Variants in MPPED1 observed in about 807,000 individuals in gnomAD.
The protein encoded by MPPED1 is metallophosphoesterase domain containing 1.
A neutral mutation model predicts 36.2 loss-of-function variants in MPPED1; 16 were observed. The observed-to-expected ratio is 0.44, with a 90% CI of 0.30 to 0.67. The LOEUF is 0.67. MPPED1 is among the 30% of genes least tolerant of loss of function. The pLI, the probability that MPPED1 is intolerant of heterozygous loss-of-function variation, is 0.10. For synonymous variants in MPPED1, 199 were observed against 191.3 expected (o/e 1.04, Z -0.33); for missense variants, 307 against 453.4 (o/e 0.68, Z 2.93).
At chr22:43,495,479 G>A (rs1416376613) in intron 4 of MPPED1, among the ~76,000 whole-genome samples, 3 of 59,102 alleles carry the variant, frequency 5.1e-5, no homozygotes, top group Admixed American at 1.9e-4. Flanking sequence ...GATGGTGGAG[G>A]TGGTGGTGGA....
chr22:43,444,491 C>T (rs146267924), intron 3 of MPPED1, among the ~76,000 whole-genome samples: 381 of 151,614 alleles, frequency 2.5e-3, no homozygotes, highest in Non-Finnish European at 4.0e-3. Flanking sequence ...CTCAGCCTCC[C>T]GAGTAGCTGG....
intron 1 of MPPED1, among the ~76,000 whole-genome samples, chr22:43,422,429 C>G (rs1398042872): frequency 6.6e-6 from 1 of 152,182 alleles, no homozygotes; most frequent in Non-Finnish European, 1.5e-5. Flanking sequence ...CGGGGGCCGG[C>G]CTGTGTGGCT....
chr22:43,438,025 C>A (rs1930023283), intron 3 of MPPED1, among the ~76,000 whole-genome samples: 2 of 152,194 alleles, frequency 1.3e-5, no homozygotes, highest in Admixed American at 1.3e-4. Flanking sequence ...AACATTCCGT[C>A]ATCCTATTGC....
intron 5 of MPPED1, among the ~76,000 whole-genome samples, chr22:43,501,813 CCCTCCTTCTCCCCCT>C (rs1932743183): frequency 6.6e-6 from 1 of 151,898 alleles, no homozygotes; most frequent in Non-Finnish European, 1.5e-5. Context: ...CTCTGCTTTC[CCCTCCTTCTCCCCCT>C]CCTCCTCCTC....
intron 1 of MPPED1, among the ~76,000 whole-genome samples, chr22:43,423,818 G>A (rs1201269801): frequency 6.6e-6 from 1 of 152,228 alleles, no homozygotes; most frequent in Non-Finnish European, 1.5e-5. Context: ...GTTAAATACA[G>A]CGCAAAAGGA....
intron 3 of MPPED1, among the ~76,000 whole-genome samples, chr22:43,463,063 G>T (rs1214502471): frequency 6.6e-6 from 1 of 152,106 alleles, no homozygotes; most frequent in African/African-American, 2.4e-5. Context: ...GAGTTTGGAA[G>T]GCATTTTTCC....
chr22:43,479,218 C>T (rs1931673347), intron 4 of MPPED1, among the ~76,000 whole-genome samples: 1 of 152,194 alleles, frequency 6.6e-6, no homozygotes, highest in Non-Finnish European at 1.5e-5. Context: ...TTCAGATGTT[C>T]CAGATTTTCC....
chr22:43,417,027 C>T, intron 1 of MPPED1: 1 of 984,958 alleles, frequency 1.0e-6, no homozygotes, highest in East Asian at 1.1e-4. Context: ...AAGTAGCACT[C>T]TTCATATTCC....
Position 43,498,147 on chromosome 22 carries a change from C to T in MPPED1, c.633-88C>T, listed in dbSNP as rs1932491831. On this transcript the variant is annotated intron_variant, in intron 4 of 6. Transcript: ENST00000443721. ...CCAGGTAGCGAGCTGGTCCTGAGGGCCCCCTGGCCCGTGGGGAGCTCCGCA... is the reference window on the plus strand; with the variant it reads ...CCAGGTAGCGAGCTGGTCCTGAGGGTCCCCTGGCCCGTGGGGAGCTCCGCA... 4.9e-6 allele frequency: 5 copies of T among 1,020,202 alleles called. No individual in the cohort carries two copies. The Admixed American group carries it at 6.9e-5, about 14-fold the overall frequency. The allele number at this position is 1,020,202 out of a possible 1,614,324, so 63.2% of individuals were successfully genotyped here.
chr22:43,502,301 C>T lies in MPPED1; in HGVS notation c.749-343C>T, dbSNP rs1282108507. Among the ~76,000 whole-genome samples the T allele has an allele frequency of 6.6e-6, 1 of 152,128 alleles. No homozygotes were observed. Among genetic ancestry groups the T allele is most frequent in the Non-Finnish European group, 1.5e-5 (1 of 68,020 alleles). ...TCCGTTTGCTGATCTCTGCGGTGGG[C>T]GGATGCCACCCTTGAGGCCACTCGA... On this transcript the variant is annotated intron_variant, in intron 5 of 6. Coordinates refer to ENST00000443721, the MANE Select transcript of MPPED1 (RefSeq NM_001044370.2). The surrounding 1 kb of genome is among the most constrained non-coding windows in gnomAD (Gnocchi z 5.5).
intron 3 of MPPED1, among the ~76,000 whole-genome samples, chr22:43,452,354 C>T (rs556058652): frequency 6.6e-6 from 1 of 152,198 alleles, no homozygotes; most frequent in South Asian, 2.1e-4. Context: ...CTCTCATACT[C>T]CTGGCCAGGG....
intron 1 of MPPED1, among the ~76,000 whole-genome samples, chr22:43,420,741 T>C (rs1569062850): frequency 6.6e-6 from 1 of 152,200 alleles, no homozygotes; most frequent in Admixed American, 6.5e-5. Flanking sequence ...AGTCAAACCA[T>C]CACCCTGTTC....
rs148789920 is a variant in MPPED1 at position 43,452,072 on chromosome 22, C to A, written c.406+16857C>A. Among the ~76,000 whole-genome samples, 10 of 150,502 alleles carry A rather than the reference C, an allele frequency of 6.6e-5. No homozygotes were observed. The East Asian group carries it at 1.8e-3, about 26-fold the overall frequency. The stretch of plus-strand genomic sequence containing the variant: ...TTGCTCTGTTGCCCAGGCTGGAGTG[C>A]AGTGGCATGATCTCGGCTCACTGCA... On this transcript the variant is annotated intron_variant, in intron 3 of 6. Coordinates refer to ENST00000443721, the MANE Select transcript of MPPED1 (RefSeq NM_001044370.2).
intron 2 of MPPED1, among the ~76,000 whole-genome samples, chr22:43,430,498 G>A (rs1297958045): frequency 1.3e-5 from 2 of 152,150 alleles, no homozygotes; most frequent in Non-Finnish European, 2.9e-5. Context: ...GCCAGCCTGG[G>A]GTCTGGCGTC....
chr22:43,497,291 C>A (rs534656927), intron 4 of MPPED1, among the ~76,000 whole-genome samples: 4 of 151,986 alleles, frequency 2.6e-5, no homozygotes, highest in African/African-American at 9.7e-5. Flanking sequence ...GTGAAACCTA[C>A]GGGATGATTC....
chr22:43,431,509 GTTGA>G (rs1929687602), intron 2 of MPPED1, among the ~76,000 whole-genome samples: 1 of 152,196 alleles, frequency 6.6e-6, no homozygotes, highest in Admixed American at 6.5e-5. Flanking sequence ...TTGTCCATAG[GTTGA>G]TTGAATGAAA....
chr22:43,449,992 G>T (rs544458996), intron 3 of MPPED1, among the ~76,000 whole-genome samples: 1 of 152,196 alleles, frequency 6.6e-6, no homozygotes, highest in East Asian at 1.9e-4. Flanking sequence ...GGGCCCAGCC[G>T]GGTGGCGGTG....
intron 1 of MPPED1, among the ~76,000 whole-genome samples, chr22:43,412,878 G>A (rs1193191708): frequency 6.6e-6 from 1 of 152,256 alleles, no homozygotes; most frequent in Admixed American, 6.5e-5. Context: ...GTGAATTCAT[G>A]CTGTCTCCCT....
At chr22:43,434,025 A>G (rs1335907475) in intron 2 of MPPED1, among the ~76,000 whole-genome samples, 1 of 152,178 alleles carries the variant, frequency 6.6e-6, no homozygotes, top group African/African-American at 2.4e-5. Context: ...GCCGGGAGCC[A>G]GGGTCTTAGC....
Sources: allele counts gnomAD v4.1 joint callset (sites outside exome capture counted in the v4.1 genomes callset), GRCh38; gene constraint gnomAD v4.1.1; non-coding constraint Gnocchi (gnomAD v3.1); transcripts MANE v1.5; gene names NCBI Gene and HGNC (gene_info 2026-07-23, HGNC 2026-07-21).